The following PRPS1 variants were observed in gnomAD, a reference collection of about 807,000 sequenced individuals.
PRPS1 encodes phosphoribosyl pyrophosphate synthetase 1.
PRPS1 carries 1 observed loss-of-function variant against 16.9 expected under a neutral mutation model. That is an observed-to-expected ratio of 0.06 (90% CI 0.02 to 0.28). PRPS1 has a LOEUF of 0.28. Among genes scored for constraint, PRPS1 ranks in the 10% least tolerant of loss-of-function variants. The pLI is 1.00. For missense variants in PRPS1, 47 were observed against 254.0 expected (o/e 0.19, Z 5.54); for synonymous variants, 70 against 90.2 (o/e 0.78, Z 1.27).
At chrX:107,645,701 C>T (rs190556196) in intron 5 of PRPS1, among the ~76,000 whole-genome samples, 69 of 111,185 alleles carry the variant, frequency 6.2e-4, no homozygotes, top group African/African-American at 1.8e-3. Flanking sequence ...ATGCTACATG[C>T]GATTGTTTTT....
intron 1 of PRPS1, among the ~76,000 whole-genome samples, chrX:107,638,613 G>T (rs1925498682): frequency 9.0e-6 from 1 of 111,253 alleles, no homozygotes; most frequent in East Asian, 2.8e-4. Flanking sequence ...TAGAGATGGG[G>T]TCTCACTGTA....
At position 107,628,565 on chromosome X, in the gene PRPS1, C is replaced by T; in HGVS notation, c.-64C>T. 1 of 1,209,977 alleles carries T rather than the reference C, an allele frequency of 8.3e-7. No individual in the cohort carries two copies. Among genetic ancestry groups the T allele is most frequent in the Non-Finnish European group, 1.1e-6 (1 of 894,873 alleles). ...CGCTTGGTATTGAGTCTGTGGCCGA[C>T]TTCGGTTCCGGTCTCTGCAGCAGCC... On this transcript the variant is annotated 5_prime_UTR_variant, in exon 1 of 7. Transcript: ENST00000372435.
At chrX:107,636,119 T>C (rs1925435103) in intron 1 of PRPS1, among the ~76,000 whole-genome samples, 1 of 104,466 alleles carries the variant, frequency 9.6e-6, no homozygotes, top group South Asian at 4.7e-4. Flanking sequence ...CCACTGCCTG[T>C]TTGTTTTGTT....
intron 6 of PRPS1, among the ~76,000 whole-genome samples, chrX:107,648,652 A>C (rs1281358945): frequency 1.8e-5 from 2 of 110,778 alleles, no homozygotes; most frequent in East Asian, 5.6e-4. Context: ...GCCTCAAGCT[A>C]TCCTCCTGTG....
At position 107,646,138 on chromosome X, in the gene PRPS1, T is replaced by C. The variant is rs189345004; in HGVS notation, c.704+788T>C. Among the ~76,000 whole-genome samples the C allele has an allele frequency of 4.4e-3, 491 of 111,676 alleles. 2 individuals carry two copies. Among genetic ancestry groups the C allele is most frequent in the Non-Finnish European group, 7.1e-3 (376 of 53,145 alleles). ...TTTATTTTGAGACATGGTCTCACTC[T>C]GTTACCCAGGCTGGAGTGTAGTAGT... On this transcript the variant is annotated intron_variant, in intron 5 of 6. Coordinates refer to ENST00000372435, the MANE Select transcript of PRPS1 (RefSeq NM_002764.4).
At chrX:107,640,802 C>T in intron 2 of PRPS1, 100 bp from the exon 3 acceptor site, 1 of 967,706 alleles carries the variant, frequency 1.0e-6, no homozygotes, top group Non-Finnish European at 1.5e-6. Context: ...ACCATAGTGC[C>T]TTTAACATAG....
At chrX:107,640,430 G>A (rs934611254) in intron 2 of PRPS1, among the ~76,000 whole-genome samples, 2 of 110,764 alleles carry the variant, frequency 1.8e-5, no homozygotes, top group Admixed American at 9.6e-5. Flanking sequence ...GTTCATAGTT[G>A]TTGGAAAGTT....
chrX:107,642,335 G>A, intron 3 of PRPS1, 31 bp from the exon 4 acceptor site: 3 of 1,210,849 alleles, frequency 2.5e-6, no homozygotes, highest in Non-Finnish European at 3.4e-6. Context: ...GAAGGAAAGT[G>A]AAGCAAAACT....
At chrX:107,628,855 G>C in intron 1 of PRPS1, 105 bp downstream of exon 1, 1 of 1,104,422 alleles carries the variant, frequency 9.1e-7, no homozygotes. Flanking sequence ...GGGTTGGGGG[G>C]AGAGGGTGCA....
intron 4 of PRPS1, 57 bp from the exon 5 acceptor site, chrX:107,645,120 G>A: frequency 5.9e-6 from 7 of 1,192,555 alleles, no homozygotes; most frequent in Non-Finnish European, 6.8e-6. Context: ...GGCCTCTTTA[G>A]TCCATTTCTT....
intron 1 of PRPS1, among the ~76,000 whole-genome samples, chrX:107,634,828 G>GTT (rs1569437565): frequency 1.0e-5 from 1 of 97,323 alleles, no homozygotes; most frequent in Non-Finnish European, 2.0e-5. Flanking sequence ...TAATGATAAA[G>GTT]TTTTTTGTTT....
intron 5 of PRPS1, among the ~76,000 whole-genome samples, chrX:107,646,398 G>A (rs1050316036): frequency 5.4e-5 from 6 of 111,718 alleles, no homozygotes; most frequent in Non-Finnish European, 9.4e-5. Flanking sequence ...TTTCAGCTGT[G>A]AGCCACAGCA....
chrX:107,650,191 G>A lies in PRPS1; in HGVS notation c.*159G>A, dbSNP rs747334780. On this transcript the variant is annotated 3_prime_UTR_variant, in exon 7 of 7. Coordinates refer to ENST00000372435, the MANE Select transcript of PRPS1 (RefSeq NM_002764.4). ...GAGCTTATCCGAACTGGGGAAAGACGGATTGAGATTAACTGCTGGGACCTC... is the reference window on the plus strand; with the variant it reads ...GAGCTTATCCGAACTGGGGAAAGACAGATTGAGATTAACTGCTGGGACCTC... The A allele has an allele frequency of 3.4e-4, 333 of 991,523 alleles. 1 individual carries two copies. Among genetic ancestry groups the A allele is most frequent in the Non-Finnish European group, 4.0e-4 (291 of 735,395 alleles). 81.7% of individuals were successfully genotyped at this position (991,523 alleles called of 1,213,427 possible). A position where few individuals can be genotyped will look rare whatever the true frequency, so the allele number is the denominator to read the frequency against.
intron 6 of PRPS1, among the ~76,000 whole-genome samples, chrX:107,648,727 CT>C (rs966256404): frequency 3.8e-5 from 4 of 105,990 alleles, no homozygotes; most frequent in South Asian, 4.0e-4. Context: ...TCAACTTAGT[CT>C]TTTTTTTTTC....
At chrX:107,637,209 T>A (rs950991513) in intron 1 of PRPS1, among the ~76,000 whole-genome samples, 4 of 111,399 alleles carry the variant, frequency 3.6e-5, no homozygotes, top group Non-Finnish European at 7.5e-5. Context: ...GAAACTTTCG[T>A]GGTAAAATAT....
At chrX:107,646,618 C>CGGAG (rs1925702226) in intron 5 of PRPS1, among the ~76,000 whole-genome samples, 3 of 112,385 alleles carry the variant, frequency 2.7e-5, no homozygotes, top group Non-Finnish European at 3.8e-5. Flanking sequence ...TAGTTTCCTT[C>CGGAG]TTGTCCATGG....
chrX:107,644,038 G>C (rs2147684029), intron 4 of PRPS1, among the ~76,000 whole-genome samples: 1 of 112,177 alleles, frequency 8.9e-6, no homozygotes, highest in East Asian at 2.8e-4. Flanking sequence ...ACATGACGGA[G>C]ATGGCACAGC....
At position 107,635,084 on chromosome X, in the gene PRPS1, G is replaced by C. The variant is rs746052519; in HGVS notation, c.123-4211G>C. Reference sequence around the variant, plus strand: ...TCTCGATCACCTGACCTCGTGATCCGCCCGCCTCGGCCTCCCAAAGTGCTG... The same window carrying C: ...TCTCGATCACCTGACCTCGTGATCCCCCCGCCTCGGCCTCCCAAAGTGCTG... On this transcript the variant is annotated intron_variant, in intron 1 of 6. Transcript: ENST00000372435. Among the ~76,000 whole-genome samples the C allele has an allele frequency of 3.2e-3, 361 of 111,602 alleles. 3 individuals carry two copies. The highest frequency in any genetic ancestry group is 5.7e-3 in the Non-Finnish European group (303 of 53,025).
Position 107,645,358 on chromosome X carries a change from T to A in PRPS1, c.704+8T>A, listed in dbSNP as rs1202786082. The A allele has an allele frequency of 1.7e-6, 2 of 1,211,535 alleles. No homozygotes were observed. Among genetic ancestry groups the A allele is most frequent in the East Asian group, 5.9e-5 (2 of 33,822 alleles). On this transcript the variant is annotated splice_region_variant and intron_variant, in intron 5 of 6. Transcript: ENST00000372435. ...CTGCCATGCAGCTGACAAGTAAGTG[T>A]GGATTGATGGGGCTGGTAGTTAGAA...
Sources: gnomAD v4.1 joint callset for allele counts (sites outside exome capture counted in the v4.1 genomes callset) on GRCh38, gnomAD v4.1.1 for gene constraint, MANE v1.5 for transcripts, NCBI Gene and HGNC (gene_info 2026-07-23, HGNC 2026-07-21) for gene names.